Variants in CACNA1D observed in about 807,000 individuals in gnomAD.
CACNA1D encodes the protein voltage-dependent L-type calcium channel subunit alpha-1D.
CACNA1D carries 55 observed loss-of-function variants against 257.1 expected under a neutral mutation model. That is an observed-to-expected ratio of 0.21 (90% CI 0.17 to 0.27). The LOEUF is 0.27. Among genes scored for constraint, CACNA1D ranks in the 10% least tolerant of loss-of-function variants. The pLI is 1.00. For missense variants in CACNA1D, 1,876 were observed against 2,784.0 expected (o/e 0.67, Z 7.34); for synonymous variants, 980 against 1,014.9 (o/e 0.97, Z 0.65).
chr3:53,776,417 T>A (rs2095397528), intron 35 of CACNA1D, among the ~76,000 whole-genome samples, 186 bp from the exon 36 acceptor site: 2 of 152,312 alleles, frequency 1.3e-5, no homozygotes, highest in South Asian at 2.1e-4. Context: ...AGGACTTAAT[T>A]AAAGCCATTC....
At chr3:53,592,123 G>A (rs1004813968) in intron 3 of CACNA1D, among the ~76,000 whole-genome samples, 1 of 152,236 alleles carries the variant, frequency 6.6e-6, no homozygotes, top group Admixed American at 6.5e-5. Flanking sequence ...CAGGGCTCCT[G>A]TTCTGGTGGA....
intron 28 of CACNA1D, among the ~76,000 whole-genome samples, chr3:53,753,263 C>T (rs2095241107): frequency 6.6e-6 from 1 of 152,218 alleles, no homozygotes; most frequent in Non-Finnish European, 1.5e-5. Flanking sequence ...GTGGTATCTG[C>T]ATTGTGCTCT....
chr3:53,668,114 CT>C (rs1161105448), intron 7 of CACNA1D, among the ~76,000 whole-genome samples: 2 of 152,084 alleles, frequency 1.3e-5, no homozygotes, highest in Non-Finnish European at 2.9e-5. Context: ...GATACTTCCC[CT>C]CCCCAAACAG....
At chr3:53,602,796 C>T (rs1559902812) in intron 3 of CACNA1D, among the ~76,000 whole-genome samples, 2 of 152,132 alleles carry the variant, frequency 1.3e-5, no homozygotes, top group South Asian at 2.1e-4. Flanking sequence ...TTAAATTGGG[C>T]TTTTTTTTCC....
At chr3:53,570,580 A>T (rs1239825068) in intron 3 of CACNA1D, among the ~76,000 whole-genome samples, 1 of 152,248 alleles carries the variant, frequency 6.6e-6, no homozygotes, top group Non-Finnish European at 1.5e-5. Flanking sequence ...TCTTGATTGT[A>T]TCTTCTTAGG....
intron 38 of CACNA1D, among the ~76,000 whole-genome samples, chr3:53,781,339 C>T (rs1012133429): frequency 5.3e-5 from 8 of 152,230 alleles, no homozygotes; most frequent in African/African-American, 1.7e-4. Flanking sequence ...CAGGGTGAAC[C>T]GTGTTTGTTC....
rs150463212 is a variant in CACNA1D at position 53,800,302 on chromosome 3, G to A, written c.4977G>A (p.Ser1659=). 3.1e-4 allele frequency: 497 copies of A among 1,614,084 alleles called. 4 individuals are homozygous for A. Among genetic ancestry groups the A allele is most frequent in the Middle Eastern group, 6.6e-4 (4 of 6,062 alleles). The change falls in exon 41 of 48, where the codon TCG becomes TCA. Residue 1659 remains serine, a synonymous_variant. Coordinates refer to ENST00000350061, the MANE Select transcript of CACNA1D (RefSeq NM_001128840.3). The surrounding 1 kb of genome is among the most constrained non-coding windows in gnomAD (Gnocchi z 4.3). ...GGCCAGAAATCCGGCGTGCTATATC[G>A]TGTGATTTGCAAGATGACGAGCCTG... ...DIGPEIRRAI[S]CDLQDDEPEE...
intron 44 of CACNA1D, among the ~76,000 whole-genome samples, chr3:53,804,455 G>T (rs1312962970): frequency 6.6e-6 from 1 of 152,154 alleles, no homozygotes; most frequent in Non-Finnish European, 1.5e-5. Flanking sequence ...CTAGGGCCTT[G>T]CTTTTTATTT....
At chr3:53,589,051 T>C (rs1311475097) in intron 3 of CACNA1D, among the ~76,000 whole-genome samples, 2 of 152,214 alleles carry the variant, frequency 1.3e-5, no homozygotes, top group Non-Finnish European at 2.9e-5. Context: ...CTTTCATTCT[T>C]TAGATCTGTA....
chr3:53,576,077 G>C (rs186720819), intron 3 of CACNA1D, among the ~76,000 whole-genome samples: 1 of 152,302 alleles, frequency 6.6e-6, no homozygotes, highest in African/African-American at 2.4e-5. Flanking sequence ...GACGCTGATG[G>C]TGTTGGTGGC....
intron 3 of CACNA1D, among the ~76,000 whole-genome samples, chr3:53,578,873 G>C (rs1429500258): frequency 6.6e-6 from 1 of 152,198 alleles, no homozygotes; most frequent in African/African-American, 2.4e-5. Context: ...GCATGCTTGG[G>C]GGATGATGTA....
At chr3:53,588,244 CTG>C (rs1051304303) in intron 3 of CACNA1D, among the ~76,000 whole-genome samples, 1 of 152,206 alleles carries the variant, frequency 6.6e-6, no homozygotes, top group African/African-American at 2.4e-5. Flanking sequence ...GGGACCCGCT[CTG>C]TGAGGCACAC....
chr3:53,611,803 T>G (rs1157222963), intron 3 of CACNA1D, among the ~76,000 whole-genome samples: 1 of 152,234 alleles, frequency 6.6e-6, no homozygotes, highest in African/African-American at 2.4e-5. Flanking sequence ...CTATAAAAGA[T>G]CAGATAGTAA....
chr3:53,556,965 C>T (rs2092655838), intron 3 of CACNA1D, among the ~76,000 whole-genome samples: 1 of 152,122 alleles, frequency 6.6e-6, no homozygotes. Context: ...ATCAGCTCAC[C>T]TTGGCCTCCC....
chr3:53,684,577 C>G (rs2094458154), intron 8 of CACNA1D, among the ~76,000 whole-genome samples: 1 of 141,090 alleles, frequency 7.1e-6, no homozygotes, highest in Non-Finnish European at 1.5e-5. Context: ...GAGCTGAGGT[C>G]ACGCCACTGC....
At chr3:53,729,289 C>T (rs2094965090) in intron 15 of CACNA1D, among the ~76,000 whole-genome samples, 1 of 152,220 alleles carries the variant, frequency 6.6e-6, no homozygotes, top group Admixed American at 6.5e-5. Flanking sequence ...ATAGATTAGT[C>T]AGGCGTGCTA....
intron 3 of CACNA1D, among the ~76,000 whole-genome samples, chr3:53,504,495 TG>T (rs1310379422): frequency 7.9e-5 from 12 of 152,302 alleles, no homozygotes; most frequent in Non-Finnish European, 1.5e-4. Context: ...GGATAGTTTT[TG>T]TTCTTTATTT....
chr3:53,806,878 C>T (rs555639600), intron 45 of CACNA1D, among the ~76,000 whole-genome samples: 1 of 152,292 alleles, frequency 6.6e-6, no homozygotes, highest in East Asian at 1.9e-4. Context: ...TGGCCCTCGC[C>T]CTTGTGAGTT....
At chr3:53,741,375 A>G (rs1246198250) in intron 21 of CACNA1D, among the ~76,000 whole-genome samples, 1 of 152,210 alleles carries the variant, frequency 6.6e-6, no homozygotes, top group Non-Finnish European at 1.5e-5. Context: ...GCATCGGACT[A>G]CTGTGGAACT....
Sources: gnomAD v4.1 joint callset for allele counts (sites outside exome capture counted in the v4.1 genomes callset) on GRCh38, gnomAD v4.1.1 for gene constraint, Gnocchi (gnomAD v3.1) non-coding constraint, MANE v1.5 for transcripts, NCBI Gene and HGNC (gene_info 2026-07-23, HGNC 2026-07-21) for gene names.